The following ELP3 variants were observed in gnomAD, a reference collection of about 807,000 sequenced individuals.
The protein encoded by ELP3 is elongator complex protein 3.
ELP3 carries 56 observed loss-of-function variants against 74.9 expected under a neutral mutation model. The observed-to-expected ratio is 0.75, with a 90% CI of 0.60 to 0.93. ELP3 has a LOEUF of 0.93. Among genes scored for constraint, ELP3 ranks in the 40% least tolerant of loss-of-function variants. The pLI, the probability that ELP3 is intolerant of heterozygous loss-of-function variation, is 0.00. For missense variants in ELP3, 573 were observed against 686.5 expected (o/e 0.83, Z 1.85); for synonymous variants, 222 against 239.8 (o/e 0.93, Z 0.68).
intron 7 of ELP3, among the ~76,000 whole-genome samples, chr8:28,114,347 C>T (rs1339184577): frequency 2.0e-5 from 3 of 152,002 alleles, no homozygotes; most frequent in Non-Finnish European, 2.9e-5. Flanking sequence ...AAAGGAACAC[C>T]TAAGACTAGG....
chr8:28,104,670 G>T (rs150499659), intron 3 of ELP3, among the ~76,000 whole-genome samples: 22 of 152,188 alleles, frequency 1.4e-4, no homozygotes, highest in Non-Finnish European at 2.2e-4. Context: ...CAGGTTACGC[G>T]TCTTTGGCCC....
intron 9 of ELP3, among the ~76,000 whole-genome samples, chr8:28,135,157 T>A (rs1424746034): frequency 6.6e-6 from 1 of 152,134 alleles, no homozygotes; most frequent in Non-Finnish European, 1.5e-5. Flanking sequence ...CTCGAACTTC[T>A]GACCTCGTGA....
At chr8:28,154,352 A>G (rs1050981641) in intron 10 of ELP3, among the ~76,000 whole-genome samples, 1 of 152,250 alleles carries the variant, frequency 6.6e-6, no homozygotes, top group African/African-American at 2.4e-5. Context: ...CAGCACAACT[A>G]TCATGAATAA....
intron 10 of ELP3, among the ~76,000 whole-genome samples, chr8:28,139,460 G>A (rs1388674323): frequency 6.6e-6 from 1 of 152,174 alleles, no homozygotes; most frequent in Non-Finnish European, 1.5e-5. Flanking sequence ...AACAACACAG[G>A]TGGCCCTTCA....
intron 14 of ELP3, among the ~76,000 whole-genome samples, chr8:28,180,635 G>C (rs946683121): frequency 2.0e-5 from 3 of 152,126 alleles, no homozygotes; most frequent in Non-Finnish European, 2.9e-5. Flanking sequence ...TTTTATATGA[G>C]AATTTGCTTT....
chr8:28,164,540 A>T (rs1277179657), intron 14 of ELP3, among the ~76,000 whole-genome samples: 1 of 152,102 alleles, frequency 6.6e-6, no homozygotes. Context: ...TTCAGAAGGG[A>T]GGATGCCGTA....
At chr8:28,145,070 A>G (rs1585704582) in intron 10 of ELP3, among the ~76,000 whole-genome samples, 3 of 152,066 alleles carry the variant, frequency 2.0e-5, no homozygotes, top group Non-Finnish European at 4.4e-5. Flanking sequence ...AGAAACCTGT[A>G]TCAAAAGCTA....
chr8:28,110,269 A>G, intron 5 of ELP3, 101 bp from the exon 6 acceptor site: 1 of 1,005,502 alleles, frequency 9.9e-7, no homozygotes, highest in South Asian at 1.4e-5. Context: ...CCACGTTTTC[A>G]GTGTTCGGAA....
intron 1 of ELP3, 59 bp downstream of exon 1, chr8:28,093,292 C>A (rs1161505443): frequency 1.4e-5 from 23 of 1,601,602 alleles, no homozygotes; most frequent in Admixed American, 5.2e-5. Context: ...AACGCCCAGG[C>A]AATCAAATGC....
intron 14 of ELP3, among the ~76,000 whole-genome samples, chr8:28,182,333 AT>A (rs1815047072): frequency 1.3e-5 from 2 of 152,086 alleles, no homozygotes; most frequent in South Asian, 4.1e-4. Flanking sequence ...GCTGAGGCAC[AT>A]GGATTGCCTG....
At chr8:28,145,508 A>G (rs537508871) in intron 10 of ELP3, among the ~76,000 whole-genome samples, 2 of 152,374 alleles carry the variant, frequency 1.3e-5, no homozygotes, top group South Asian at 4.1e-4. Context: ...CAGTGCCTTT[A>G]GAAAATCTGC....
At chr8:28,129,967 A>G (rs1035553089) in intron 8 of ELP3, among the ~76,000 whole-genome samples, 11 of 152,320 alleles carry the variant, frequency 7.2e-5, no homozygotes, top group African/African-American at 2.6e-4. Flanking sequence ...TAGTAGTTTA[A>G]AGCAGGAGAG....
At chr8:28,140,122 G>GTC (rs1256546185) in intron 10 of ELP3, among the ~76,000 whole-genome samples, 3 of 135,998 alleles carry the variant, frequency 2.2e-5, no homozygotes, top group Non-Finnish European at 4.7e-5. Flanking sequence ...TTTTGTGTGT[G>GTC]TGTGTGTGTG....
At chr8:28,105,147 C>G (rs903747826) in intron 3 of ELP3, among the ~76,000 whole-genome samples, 2 of 151,714 alleles carry the variant, frequency 1.3e-5, no homozygotes, top group Non-Finnish European at 2.9e-5. Flanking sequence ...TTTGGAAGGA[C>G]GAGGTGGGTG....
chr8:28,187,689 A>T (rs1815294411), intron 14 of ELP3, among the ~76,000 whole-genome samples: 1 of 152,180 alleles, frequency 6.6e-6, no homozygotes, highest in African/African-American at 2.4e-5. Flanking sequence ...TGACAGAAAG[A>T]TGGGAATGAG....
At chr8:28,166,886 T>C (rs1814327680) in intron 14 of ELP3, among the ~76,000 whole-genome samples, 1 of 152,234 alleles carries the variant, frequency 6.6e-6, no homozygotes. Flanking sequence ...AGCTAATTGC[T>C]ATGCAGCAAG....
chr8:28,094,303 C>G lies in ELP3; in HGVS notation c.19+1070C>G, dbSNP rs28546407. Among the ~76,000 whole-genome samples, 432 of 152,350 alleles carry G rather than the reference C, an allele frequency of 2.8e-3. 1 individual carries two copies. The highest frequency in any genetic ancestry group is 9.8e-3 in the African/African-American group (407 of 41,570). On this transcript the variant is annotated intron_variant, in intron 1 of 14. Transcript: ENST00000256398. ...CCAACCTCCTAACCCACCTTCATCA[C>G]TAACTAATATTTGAATGGTATTTCA...
At chr8:28,173,018 G>C (rs1206530814) in intron 14 of ELP3, among the ~76,000 whole-genome samples, 1 of 151,932 alleles carries the variant, frequency 6.6e-6, no homozygotes, top group East Asian at 1.9e-4. Context: ...TTAATATGCT[G>C]GTAAATTCAG....
intron 14 of ELP3, among the ~76,000 whole-genome samples, chr8:28,184,016 T>C (rs561477843): frequency 2.0e-5 from 3 of 152,186 alleles, no homozygotes; most frequent in Non-Finnish European, 4.4e-5. Flanking sequence ...AAAGGAAAGT[T>C]ACTATGACAG....
Sources: gnomAD v4.1 joint callset for allele counts (sites outside exome capture counted in the v4.1 genomes callset) on GRCh38, gnomAD v4.1.1 for gene constraint, MANE v1.5 for transcripts, NCBI Gene and HGNC (gene_info 2026-07-23, HGNC 2026-07-21) for gene names.